ATRNL1: variants seen among roughly 807,000 people sequenced by gnomAD.
ATRNL1 encodes the protein attractin-like protein 1.
In ATRNL1, 95 loss-of-function variants were observed where a neutral mutation model predicts 182.7. The ratio of observed to expected loss-of-function variants is 0.52; its 90% CI spans 0.44 to 0.62. ATRNL1 has a LOEUF of 0.62. Among genes scored for constraint, ATRNL1 ranks in the 20% least tolerant of loss-of-function variants. ATRNL1 has a pLI of 0.00. For synonymous variants in ATRNL1, 576 were observed against 568.3 expected (o/e 1.01, Z -0.19); for missense variants, 1,471 against 1,679.5 (o/e 0.88, Z 2.17).
At chr10:115,911,522 T>C (rs72832836) in intron 28 of ATRNL1, among the ~76,000 whole-genome samples, 26,964 of 152,006 alleles carry the variant, frequency 0.18, 2,491 homozygotes, top group Non-Finnish European at 0.2. Context: ...TTTCACCATG[T>C]TGGACAGGCT....
chr10:115,617,370 G>GTT (rs34363986), intron 26 of ATRNL1, among the ~76,000 whole-genome samples: 15 of 148,922 alleles, frequency 1.0e-4, no homozygotes, highest in East Asian at 4.0e-4. Flanking sequence ...TTTGTTTTTT[G>GTT]TTTTTTTTTA....
intron 21 of ATRNL1, among the ~76,000 whole-genome samples, chr10:115,450,539 C>A (rs1847228826): frequency 6.6e-6 from 1 of 152,022 alleles, no homozygotes; most frequent in Non-Finnish European, 1.5e-5. Flanking sequence ...ACAATTGCTA[C>A]AAAAAGAATA....
intron 19 of ATRNL1, among the ~76,000 whole-genome samples, chr10:115,375,090 C>A (rs757171075): frequency 4.1e-4 from 62 of 151,116 alleles, no homozygotes; most frequent in Admixed American, 3.6e-3. Context: ...AAGTCCCTTA[C>A]TATTATTTTA....
rs913606533 is a variant in ATRNL1, at chr10:115,248,611, A to T, written c.1687+6886A>T. Among the ~76,000 whole-genome samples, 8 of 150,986 alleles carry T rather than the reference A, an allele frequency of 5.3e-5. No individual in the cohort carries two copies. In the South Asian group the frequency reaches 1.0e-3, roughly 20 times the overall value. On this transcript the variant is annotated intron_variant, in intron 10 of 28. Transcript: ENST00000355044. Reference sequence around the variant, plus strand: ...ATTTCGCCTACTTTGCCTGGCAGACAGTAAAAAACTAAATAAATATTTATT... The same window carrying T: ...ATTTCGCCTACTTTGCCTGGCAGACTGTAAAAAACTAAATAAATATTTATT...
chr10:115,142,717 A>G (rs2143827842), intron 5 of ATRNL1, among the ~76,000 whole-genome samples: 1 of 152,270 alleles, frequency 6.6e-6, no homozygotes, highest in East Asian at 1.9e-4. Context: ...GCTATAATCT[A>G]GGTGAGAGAT....
chr10:115,761,115 A>T, intron 27 of ATRNL1, among the ~76,000 whole-genome samples: 1 of 1,322 alleles, frequency 7.6e-4, no homozygotes, highest in East Asian at 0.1. Context: ...CTCTTTTTTA[A>T]AAAAATCAAA....
At chr10:115,714,195 C>T (rs1947177400) in intron 26 of ATRNL1, among the ~76,000 whole-genome samples, 1 of 152,078 alleles carries the variant, frequency 6.6e-6, no homozygotes, top group Non-Finnish European at 1.5e-5. Flanking sequence ...AAATAAACAG[C>T]ATCAGTTATA....
chr10:115,439,256 A>G (rs1554965275), intron 21 of ATRNL1, among the ~76,000 whole-genome samples: 2 of 151,868 alleles, frequency 1.3e-5, no homozygotes, highest in Admixed American at 1.3e-4. Flanking sequence ...GTAGAAAAAA[A>G]TTCACATATG....
At chr10:115,540,774 G>GAC (rs1852312172) in intron 25 of ATRNL1, among the ~76,000 whole-genome samples, 1 of 70,754 alleles carries the variant, frequency 1.4e-5, no homozygotes, top group Non-Finnish European at 2.8e-5. Context: ...AAAAAAAAAG[G>GAC]GGGGAGGGAA....
intron 20 of ATRNL1, among the ~76,000 whole-genome samples, chr10:115,400,255 G>T (rs1844502627): frequency 6.6e-6 from 1 of 151,928 alleles, no homozygotes; most frequent in Non-Finnish European, 1.5e-5. Flanking sequence ...AACTCAAGTT[G>T]GATTAAAGAC....
intron 19 of ATRNL1, among the ~76,000 whole-genome samples, chr10:115,335,355 AT>A (rs201851963): frequency 6.6e-5 from 10 of 151,518 alleles, no homozygotes; most frequent in South Asian, 2.1e-4. Flanking sequence ...TGGTTAGATA[AT>A]TTTTTTTTAA....
intron 26 of ATRNL1, among the ~76,000 whole-genome samples, chr10:115,718,126 C>CAGAG (rs1947313764): frequency 6.6e-6 from 1 of 152,096 alleles, no homozygotes; most frequent in Admixed American, 6.5e-5. Context: ...TTACCTAGAC[C>CAGAG]AGAGGATTTT....
intron 12 of ATRNL1, among the ~76,000 whole-genome samples, chr10:115,267,226 A>G (rs932402629): frequency 1.3e-5 from 2 of 150,576 alleles, no homozygotes; most frequent in African/African-American, 2.4e-5. Flanking sequence ...TAGTATATAT[A>G]TCAATATTTT....
chr10:115,093,679 C>T lies in ATRNL1; in HGVS notation c.-72C>T, dbSNP rs1554862212. 6 of 1,426,776 alleles carry T rather than the reference C, an allele frequency of 4.2e-6. No homozygotes were observed. In the Admixed American group the frequency reaches 8.9e-5, roughly 21 times the overall value. The allele number at this position is 1,426,776 out of a possible 1,614,324, so 88.4% of individuals were successfully genotyped here. On this transcript the variant is annotated 5_prime_UTR_variant, in exon 1 of 29. Transcript: ENST00000355044. This position sits in a 1 kb window ranked among gnomAD's most constrained non-coding sequence, Gnocchi z 6.1. ...CGGCGGCGGAGAGGTTTTCTGCGGC[C>T]GGAATTCCCTTCAACAGCATCCCTG...
At chr10:115,905,168 A>G (rs1555114282) in intron 28 of ATRNL1, among the ~76,000 whole-genome samples, 1 of 152,184 alleles carries the variant, frequency 6.6e-6, no homozygotes, top group Non-Finnish European at 1.5e-5. Context: ...AAACTGTAGC[A>G]GAGATTGAGT....
At chr10:115,928,367 A>G (rs1161882206) in intron 28 of ATRNL1, among the ~76,000 whole-genome samples, 1 of 152,066 alleles carries the variant, frequency 6.6e-6, no homozygotes, top group African/African-American at 2.4e-5. Flanking sequence ...ATTTAATGTT[A>G]ATGAAAGGAA....
At chr10:115,580,669 A>C (rs868913894) in intron 26 of ATRNL1, among the ~76,000 whole-genome samples, 1 of 144,498 alleles carries the variant, frequency 6.9e-6, no homozygotes, top group Non-Finnish European at 1.5e-5. Flanking sequence ...ATTTCTTTAA[A>C]TACTCTTTTT....
chr10:115,800,728 G>A (rs1949772133), intron 27 of ATRNL1, among the ~76,000 whole-genome samples: 1 of 152,144 alleles, frequency 6.6e-6, no homozygotes, highest in African/African-American at 2.4e-5. Context: ...TTTAGATGAG[G>A]TCATGAGGGT....
At chr10:115,363,552 G>C (rs1341578569) in intron 19 of ATRNL1, among the ~76,000 whole-genome samples, 23 of 147,838 alleles carry the variant, frequency 1.6e-4, no homozygotes, top group African/African-American at 5.7e-4. Context: ...TTTGTCTTTT[G>C]TTGCCATTGC....
Sources: gnomAD v4.1 joint callset for allele counts (sites outside exome capture counted in the v4.1 genomes callset) on GRCh38, gnomAD v4.1.1 for gene constraint, Gnocchi (gnomAD v3.1) non-coding constraint, MANE v1.5 for transcripts, NCBI Gene and HGNC (gene_info 2026-07-23, HGNC 2026-07-21) for gene names.